JADE1: variants seen among roughly 807,000 people sequenced by gnomAD.
JADE1 encodes the protein jade family PHD finger 1, also known as protein Jade-1.
JADE1 carries 14 observed loss-of-function variants against 81.8 expected under a neutral mutation model. The ratio of observed to expected loss-of-function variants is 0.17; its 90% CI spans 0.11 to 0.27. The LOEUF (loss-of-function observed/expected upper bound fraction) is 0.27, where lower values mean the gene tolerates loss of function less well. JADE1 is among the 10% of genes least tolerant of loss of function. The pLI is 1.00. For missense variants in JADE1, 690 were observed against 1,047.9 expected, an observed-to-expected ratio of 0.66 and a Z score of 4.71; for synonymous variants, 353 against 391.9, an observed-to-expected ratio of 0.90 and a Z score of 1.17.
At chr4:128,851,518 C>T (rs1730355313) in intron 5 of JADE1, among the ~76,000 whole-genome samples, 1 of 152,124 alleles carries the variant, frequency 6.6e-6, no homozygotes, top group Admixed American at 6.5e-5. Context: ...TTTTGCTTTT[C>T]CATTTACTAC....
intron 9 of JADE1, chr4:128,862,736 C>T (rs936654719): frequency 1.0e-6 from 1 of 1,003,760 alleles, no homozygotes. Context: ...CACTGGCCCC[C>T]ACTTTGTTTC....
At position 128,846,561 on chromosome 4, in the gene JADE1, T is replaced by C; in HGVS notation, c.296+29T>C. 1 of 1,611,546 alleles carries C rather than the reference T, an allele frequency of 6.2e-7. No homozygotes were observed. Among genetic ancestry groups the C allele is most frequent in the Non-Finnish European group, 8.5e-7 (1 of 1,178,632 alleles). ...GAGATGCCCTGAGGACAGAAGCCTCTCCACCCACCCTTGCTCTTCTTCCCT... is the reference window on the plus strand; with the variant it reads ...GAGATGCCCTGAGGACAGAAGCCTCCCCACCCACCCTTGCTCTTCTTCCCT... On this transcript the variant is annotated intron_variant, in intron 4 of 10. Coordinates refer to ENST00000226319, the MANE Select transcript of JADE1 (RefSeq NM_199320.4). The surrounding 1 kb of genome is among the most constrained non-coding windows in gnomAD (Gnocchi z 4.0).
chr4:128,820,016 TTAAAAG>T (rs1727411922), intron 1 of JADE1, among the ~76,000 whole-genome samples: 1 of 152,226 alleles, frequency 6.6e-6, no homozygotes, highest in Non-Finnish European at 1.5e-5. Flanking sequence ...GTACTCCTCT[TTAAAAG>T]TAGGAAAGGT....
rs1308022532 is a variant in JADE1 at position 128,872,810 on chromosome 4, G to A, written c.*548G>A. On this transcript the variant is annotated 3_prime_UTR_variant, in exon 11 of 11. Transcript: ENST00000226319. The stretch of plus-strand genomic sequence containing the variant: ...GCTTCAGTAACACTAAGAAATTTAT[G>A]TGTAAATATAGCAGTCAGGGAAGAG... 1 of 420,058 alleles carries A rather than the reference G, an allele frequency of 2.4e-6. No homozygotes were observed. Among genetic ancestry groups the A allele is most frequent in the Non-Finnish European group, 4.9e-6 (1 of 205,602 alleles). The allele number at this position is 420,058 out of a possible 1,614,324, so 26.0% of individuals were successfully genotyped here.
At chr4:128,837,372 A>C (rs891861228) in intron 2 of JADE1, among the ~76,000 whole-genome samples, 1 of 152,184 alleles carries the variant, frequency 6.6e-6, no homozygotes, top group Non-Finnish European at 1.5e-5. Flanking sequence ...TGAAGGCCTA[A>C]GTGTATTTAA....
rs1197800974 is a variant in JADE1, at chr4:128,874,752, T to A, written c.*2490T>A. 1 of 152,640 alleles carries A rather than the reference T, an allele frequency of 6.6e-6. No homozygotes were observed. Among genetic ancestry groups the A allele is most frequent in the Non-Finnish European group, 1.5e-5 (1 of 68,024 alleles). 9.5% of individuals were successfully genotyped at this position (152,640 alleles called of 1,614,324 possible). A position where few individuals can be genotyped will look rare whatever the true frequency, so the allele number is the denominator to read the frequency against. The stretch of plus-strand genomic sequence containing the variant: ...ATTTGTTTTTTTTAAGCTTTATCTT[T>A]CCTTGTGCATCCTGACCAAGAAATA... On this transcript the variant is annotated 3_prime_UTR_variant, in exon 11 of 11. Transcript: ENST00000226319.
chr4:128,857,773 ACCT>A (rs779383027), intron 8 of JADE1, among the ~76,000 whole-genome samples: 21 of 151,776 alleles, frequency 1.4e-4, no homozygotes, highest in Non-Finnish European at 2.4e-4. Context: ...ATAGGCCAAC[ACCT>A]CCTAGCAGTC....
At chr4:128,863,783 C>A (rs956980956) in intron 9 of JADE1, 1 of 985,296 alleles carries the variant, frequency 1.0e-6, no homozygotes, top group African/African-American at 1.7e-5. Flanking sequence ...GGTAAGAAGC[C>A]TTTATGCCAG....
chr4:128,816,850 C>G (rs1314686783), intron 1 of JADE1, among the ~76,000 whole-genome samples: 1 of 150,748 alleles, frequency 6.6e-6, no homozygotes, highest in Admixed American at 6.6e-5. Context: ...TTTGGGCTTA[C>G]TTGTTGAGGG....
At chr4:128,843,076 A>G in intron 3 of JADE1, 38 bp downstream of exon 3, 1 of 1,522,242 alleles carries the variant, frequency 6.6e-7, no homozygotes, top group Middle Eastern at 1.7e-4. Context: ...GCATGAATAT[A>G]TGCTATCCCA....
chr4:128,826,121 T>G (rs1392818127), intron 1 of JADE1, among the ~76,000 whole-genome samples: 1 of 152,246 alleles, frequency 6.6e-6, no homozygotes, highest in Non-Finnish European at 1.5e-5. Context: ...ATGTTTCTCG[T>G]GGCAAGTGGA....
intron 1 of JADE1, among the ~76,000 whole-genome samples, chr4:128,813,696 C>T (rs186677190): frequency 6.6e-6 from 1 of 152,144 alleles, no homozygotes; most frequent in African/African-American, 2.4e-5. Flanking sequence ...GCTGGGATTA[C>T]AGGCGTGAGC....
intron 1 of JADE1, chr4:128,811,862 C>T (rs963843816): frequency 2.0e-5 from 3 of 151,978 alleles, no homozygotes; most frequent in African/African-American, 7.2e-5. Flanking sequence ...GTTTCCAGAA[C>T]TGTCTGGGGG....
intron 1 of JADE1, chr4:128,811,275 G>C (rs1314752272): frequency 6.6e-6 from 1 of 152,440 alleles, no homozygotes; most frequent in East Asian, 1.9e-4. Context: ...GCGGGGCTGA[G>C]GACGCGGCTG....
chr4:128,863,645 A>G, intron 9 of JADE1: 1 of 985,332 alleles, frequency 1.0e-6, no homozygotes, highest in Non-Finnish European at 1.2e-6. Context: ...CAGTTTTGTG[A>G]GGCTTTTGTG....
intron 3 of JADE1, among the ~76,000 whole-genome samples, chr4:128,843,413 C>G (rs1319302707): frequency 6.6e-6 from 1 of 152,212 alleles, no homozygotes; most frequent in East Asian, 1.9e-4. Flanking sequence ...AAGTCACTGC[C>G]AGCCTCAAGT....
At chr4:128,821,707 G>T (rs1727587103) in intron 1 of JADE1, among the ~76,000 whole-genome samples, 1 of 152,034 alleles carries the variant, frequency 6.6e-6, no homozygotes, top group Admixed American at 6.6e-5. Context: ...TTTTAGTAGA[G>T]ACTGGGTTTC....
chr4:128,852,654 T>G (rs771510134), intron 6 of JADE1, among the ~76,000 whole-genome samples: 2 of 152,242 alleles, frequency 1.3e-5, no homozygotes, highest in Non-Finnish European at 2.9e-5. Context: ...ATTAGTTTCT[T>G]ACAGCTGCCC....
intron 2 of JADE1, among the ~76,000 whole-genome samples, chr4:128,837,677 G>A (rs1409829287): frequency 6.6e-6 from 1 of 152,168 alleles, no homozygotes; most frequent in Non-Finnish European, 1.5e-5. Context: ...ACTCATAGAT[G>A]CGTTTGTCAG....
Sources: gnomAD v4.1 joint callset for allele counts (sites outside exome capture counted in the v4.1 genomes callset) on GRCh38, gnomAD v4.1.1 for gene constraint, Gnocchi (gnomAD v3.1) non-coding constraint, MANE v1.5 for transcripts, NCBI Gene and HGNC (gene_info 2026-07-23, HGNC 2026-07-21) for gene names.